ATRN: variants seen among roughly 807,000 people sequenced by gnomAD.
ATRN encodes the protein attractin, also known as attractin-2.
Under a neutral mutation model 178.7 loss-of-function variants are expected in ATRN, and 54 were observed. The observed-to-expected ratio is 0.30, with a 90% CI of 0.24 to 0.38. The LOEUF (loss-of-function observed/expected upper bound fraction) is 0.38. Among genes scored for constraint, ATRN ranks in the 10% least tolerant of loss-of-function variants. The pLI is 1.00. For missense variants in ATRN, 1,443 were observed against 1,815.1 expected, an observed-to-expected ratio of 0.79 and a Z score of 3.73; for synonymous variants, 636 against 663.0, an observed-to-expected ratio of 0.96 and a Z score of 0.63.
At chr20:3,539,063 C>T (rs2085582124) in intron 2 of ATRN, among the ~76,000 whole-genome samples, 1 of 152,214 alleles carries the variant, frequency 6.6e-6, no homozygotes, top group Non-Finnish European at 1.5e-5. Context: ...AATTTCTTCA[C>T]AGTACTCATC....
At chr20:3,595,435 G>A (rs1321085975) in intron 20 of ATRN, among the ~76,000 whole-genome samples, 1 of 152,210 alleles carries the variant, frequency 6.6e-6, no homozygotes, top group Non-Finnish European at 1.5e-5. Context: ...AGACATCATT[G>A]CTGGTGCTAC....
chr20:3,606,403 G>A (rs1321440361), intron 24 of ATRN, among the ~76,000 whole-genome samples: 2 of 150,132 alleles, frequency 1.3e-5, no homozygotes, highest in Admixed American at 6.7e-5. Flanking sequence ...CACTGGGCTT[G>A]TCTAGGATTC....
chr20:3,528,020 T>C (rs1278540482), intron 1 of ATRN, among the ~76,000 whole-genome samples: 1 of 151,826 alleles, frequency 6.6e-6, no homozygotes, highest in Non-Finnish European at 1.5e-5. Flanking sequence ...TGTACCTGTG[T>C]AACAAACCTA....
chr20:3,508,497 A>G (rs1297783307), intron 1 of ATRN, among the ~76,000 whole-genome samples: 1 of 152,212 alleles, frequency 6.6e-6, no homozygotes, highest in Non-Finnish European at 1.5e-5. Flanking sequence ...CCTTACTTAC[A>G]GAAACAGGCT....
In ATRN at chr20:3,650,437, T is replaced by G. The variant is rs1424836116; in HGVS notation, c.*3590T>G. ...CCCTGTCATCCCAGGAGATCTTTCCTTGTGGTGGTTTCTGTGAGAATTGGC... is the reference window on the plus strand; with the variant it reads ...CCCTGTCATCCCAGGAGATCTTTCCGTGTGGTGGTTTCTGTGAGAATTGGC... On this transcript the variant is annotated 3_prime_UTR_variant, in exon 29 of 29. Transcript: ENST00000262919. 1 of 152,620 alleles carries G rather than the reference T, an allele frequency of 6.6e-6. No individual in the cohort carries two copies. The highest frequency in any genetic ancestry group is 1.9e-4 in the East Asian group (1 of 5,184). The allele number at this position is 152,620 out of a possible 1,614,324, so 9.5% of individuals were successfully genotyped here.
chr20:3,497,624 C>G (rs1231971007), intron 1 of ATRN, among the ~76,000 whole-genome samples: 3 of 152,188 alleles, frequency 2.0e-5, no homozygotes, highest in Non-Finnish European at 4.4e-5. Flanking sequence ...TTTGGTGAAT[C>G]TGACAATTAT....
intron 1 of ATRN, among the ~76,000 whole-genome samples, chr20:3,481,791 C>CTTTTTTTTT (rs780144563): frequency 2.0e-5 from 2 of 100,492 alleles, no homozygotes; most frequent in Admixed American, 9.9e-5. Context: ...GGTGAATTTC[C>CTTTTTTTTT]TTTTTTTTTT....
chr20:3,485,307 T>C (rs185048204), intron 1 of ATRN, among the ~76,000 whole-genome samples: 4 of 152,298 alleles, frequency 2.6e-5, no homozygotes, highest in Admixed American at 2.0e-4. Context: ...TGTATACACC[T>C]TCTTTCTTTT....
intron 24 of ATRN, among the ~76,000 whole-genome samples, chr20:3,623,045 G>A (rs147404036): frequency 5.8e-4 from 89 of 152,298 alleles, no homozygotes; most frequent in African/African-American, 2.0e-3. Flanking sequence ...TGTAAACACC[G>A]AGGACACACT....
chr20:3,475,125 T>A (rs2084506943), intron 1 of ATRN, among the ~76,000 whole-genome samples: 1 of 152,162 alleles, frequency 6.6e-6, no homozygotes, highest in African/African-American at 2.4e-5. Context: ...GTATCTTGAT[T>A]GAACTTACAA....
intron 22 of ATRN, among the ~76,000 whole-genome samples, chr20:3,599,253 A>G (rs539150544): frequency 6.6e-6 from 1 of 152,298 alleles, no homozygotes; most frequent in African/African-American, 2.4e-5. Flanking sequence ...AGTACCATAT[A>G]TGAAATGTAT....
chr20:3,549,298 G>GGA lies in ATRN; in HGVS notation c.1073_1074dup (p.Tyr359AspfsTer13). 6.2e-7 allele frequency: 1 copy of GGA among 1,607,694 alleles called. No individual in the cohort carries two copies. The highest frequency in any genetic ancestry group is 8.5e-7 in the Non-Finnish European group (1 of 1,177,918). On this transcript the variant is annotated frameshift_variant, in exon 6 of 29. Transcript: ENST00000262919. LOFTEE classifies it high-confidence loss of function. ...TGGAAACATTATGTGGGTTGTTGGA[G>GGA]GATATATGTTCAACCACTCAGATTA... is the stretch of plus-strand genomic sequence containing the variant.
intron 27 of ATRN, among the ~76,000 whole-genome samples, chr20:3,639,693 A>G (rs986886760): frequency 1.2e-4 from 18 of 152,210 alleles, no homozygotes; most frequent in African/African-American, 4.3e-4. Flanking sequence ...GGGCAAAATG[A>G]TGGAATATTT....
chr20:3,503,901 G>C (rs151544), intron 1 of ATRN, among the ~76,000 whole-genome samples: 16,724 of 152,096 alleles, frequency 0.11, 1,394 homozygotes, highest in African/African-American at 0.24. Flanking sequence ...GAAACACCAA[G>C]ATACATTATA....
intron 24 of ATRN, among the ~76,000 whole-genome samples, chr20:3,608,590 A>C (rs2086712004): frequency 6.6e-6 from 1 of 152,182 alleles, no homozygotes; most frequent in Non-Finnish European, 1.5e-5. Context: ...TGCTGGTATC[A>C]TGCTGTTGTG....
intron 24 of ATRN, among the ~76,000 whole-genome samples, chr20:3,609,364 G>C (rs377343010): frequency 7.1e-4 from 108 of 152,244 alleles, no homozygotes; most frequent in Middle Eastern, 3.4e-3. Flanking sequence ...AAATGATTCT[G>C]ATTTTTGTGT....
In ATRN at chr20:3,638,147, G is replaced by A. The variant is rs1183747440; in HGVS notation, c.3943-681G>A. Among the ~76,000 whole-genome samples, 1 of 152,046 alleles carries A rather than the reference G, an allele frequency of 6.6e-6. No individual in the cohort carries two copies. Among genetic ancestry groups the A allele is most frequent in the East Asian group, 1.9e-4 (1 of 5,196 alleles). On this transcript the variant is annotated intron_variant, in intron 26 of 28. Coordinates refer to ENST00000262919, the MANE Select transcript of ATRN (RefSeq NM_139321.3). This position sits in a 1 kb window ranked among gnomAD's most constrained non-coding sequence, Gnocchi z 4.5. The stretch of plus-strand genomic sequence containing the variant: ...TTTTCTTATTTTACTTTAAGTTCTG[G>A]GATACATGTACAGAACATGTAGATT...
intron 1 of ATRN, among the ~76,000 whole-genome samples, chr20:3,503,632 A>G (rs1438406794): frequency 6.6e-6 from 1 of 152,226 alleles, no homozygotes; most frequent in African/African-American, 2.4e-5. Context: ...AGTGGCAGTG[A>G]CAGAATCAGT....
chr20:3,489,904 A>G, intron 1 of ATRN: 1 of 1,281,338 alleles, frequency 7.8e-7, no homozygotes, highest in Non-Finnish European at 1.1e-6. Context: ...TTGGGGTTGT[A>G]AATGATCTCG....
Sources: gnomAD v4.1 joint callset for allele counts (sites outside exome capture counted in the v4.1 genomes callset) on GRCh38, gnomAD v4.1.1 for gene constraint, Gnocchi (gnomAD v3.1) non-coding constraint, MANE v1.5 for transcripts, NCBI Gene and HGNC (gene_info 2026-07-23, HGNC 2026-07-21) for gene names.